Variants in TLR9 observed in about 807,000 individuals in gnomAD.
TLR9 encodes toll-like receptor 9.
A neutral mutation model predicts 24.6 loss-of-function variants in TLR9; 19 were observed. The ratio of observed to expected loss-of-function variants is 0.77; its 90% CI spans 0.54 to 1.13. TLR9 has a LOEUF of 1.13. Ranked by LOEUF, TLR9 falls within the 50% of genes most tolerant of loss-of-function variation. TLR9 has a pLI of 0.00. For synonymous variants in TLR9, 579 were observed against 609.8 expected (o/e 0.95, Z 0.74); for missense variants, 1,065 against 1,379.6 (o/e 0.77, Z 3.61).
At position 52,221,608 on chromosome 3, in the gene TLR9, G is replaced by A; in HGVS notation, c.2708C>T (p.Ala903Val). 6.2e-7 allele frequency: 1 copy of A among 1,613,450 alleles called. No homozygotes were observed. The highest frequency in any genetic ancestry group is 8.5e-7 in the Non-Finnish European group (1 of 1,179,954). Residue 903 changes from alanine to valine, a missense_variant, in exon 2 of 2, where the codon GCA becomes GTA. Physicochemically the swap from Ala to Val is moderately conservative, Grantham distance 64. Coordinates refer to ENST00000360658, the MANE Select transcript of TLR9 (RefSeq NM_017442.4). This position sits in a 1 kb window ranked among gnomAD's most constrained non-coding sequence, Gnocchi z 9.9. ...GQLEECRGRWALRLCLEERDW... is the reference protein window; with the variant it reads ...GQLEECRGRWVLRLCLEERDW... ...GCGTTCCTCCAGGCACAGGCGGAGT[G>A]CCCAGCGCCCACGGCACTCCTCCAG...
intron 1 of TLR9, among the ~76,000 whole-genome samples, chr3:52,224,638 C>T (rs1699603421): frequency 1.3e-5 from 2 of 152,274 alleles, no homozygotes; most frequent in Middle Eastern, 3.4e-3. Context: ...CTGGTCTCTC[C>T]CCGACTTTCC....
chr3:52,221,657 C>T lies in TLR9; in HGVS notation c.2659G>A (p.Val887Met), dbSNP rs1559880393. The T allele has an allele frequency of 6.2e-7, 1 of 1,613,890 alleles. No individual in the cohort carries two copies. The highest frequency in any genetic ancestry group is 1.3e-5 in the African/African-American group (1 of 74,952). Residue 887 changes from valine to methionine, a missense_variant, in exon 2 of 2, where the codon GTG becomes ATG. Transcript: ENST00000360658. This position sits in a 1 kb window ranked among gnomAD's most constrained non-coding sequence, Gnocchi z 9.9. Reference sequence around the variant, plus strand: ...AGCTGCCCCCGAAGCTCGTTGTACACCCAGTCTGCCACTGCGCTCTGCGTT... The same window carrying T: ...AGCTGCCCCCGAAGCTCGTTGTACATCCAGTCTGCCACTGCGCTCTGCGTT... ...DKTQSAVADWVYNELRGQLEE... is the reference protein window; with the variant it reads ...DKTQSAVADWMYNELRGQLEE...
At position 52,223,023 on chromosome 3, in the gene TLR9, C is replaced by T. The variant is rs56406937; in HGVS notation, c.1293G>A (p.Ser431=). The T allele has an allele frequency of 6.4e-5, 101 of 1,586,216 alleles. No homozygotes were observed. The highest frequency in any genetic ancestry group is 9.0e-5 in the East Asian group (4 of 44,558). The change falls in exon 2 of 2, where the codon TCG becomes TCA. Residue 431 remains serine (S), a synonymous_variant. Coordinates refer to ENST00000360658, the MANE Select transcript of TLR9 (RefSeq NM_017442.4). ...CCTCCCCCATGGTGGCTGTCAGCTC[C>T]GAAGCTCCGCTGATGCGGTTGTCCG... ...DLSDNRISGA[S]ELTATMGEAD...
At chr3:52,224,421 C>T (rs1266683186) in intron 1 of TLR9, 109 bp from the exon 2 acceptor site, 1 of 875,412 alleles carries the variant, frequency 1.1e-6, no homozygotes, top group Non-Finnish European at 1.8e-6. Flanking sequence ...CCAAGCCCTA[C>T]CTGCAGAAGT....
In TLR9 at chr3:52,221,842, G is replaced by A. The variant is rs776759341; in HGVS notation, c.2474C>T (p.Ala825Val). The A allele has an allele frequency of 3.1e-6, 5 of 1,613,960 alleles. No individual in the cohort carries two copies. The South Asian group carries it at 4.4e-5, about 14-fold the overall frequency. The change falls in exon 2 of 2, where the codon GCT (alanine) becomes GTT (valine). Residue 825 changes from alanine to valine, a missense_variant. Ala to Val is a moderately conservative substitution (Grantham distance 64). Coordinates refer to ENST00000360658, the MANE Select transcript of TLR9 (RefSeq NM_017442.4). The surrounding 1 kb of genome is among the most constrained non-coding windows in gnomAD (Gnocchi z 9.9). ...SWDCFALSLL[A>V]VALGLGVPML... ...GGGCACACCCAGGCCCAGAGCCACA[G>A]CCAGCAGCGAGAGGGCGAAACAGTC... is the stretch of plus-strand genomic sequence containing the variant.
rs753032218 is a variant in TLR9, at chr3:52,223,463, G to A, written c.853C>T (p.Arg285Cys). ...TCCTTCAACACCAGGCCTTCAAGAC[G>A]GCTCAGGTGGCTGAAGGTATCGGGA... is the stretch of plus-strand genomic sequence containing the variant. Reference protein sequence around the residue: ...LHPDTFSHLSRLEGLVLKDSS... With the variant: ...LHPDTFSHLSCLEGLVLKDSS... The change falls in exon 2 of 2, where the codon CGT (arginine) becomes TGT (cysteine). Residue 285 changes from arginine (R) to cysteine (C), a missense_variant. Coordinates refer to ENST00000360658, the MANE Select transcript of TLR9 (RefSeq NM_017442.4). The A allele has an allele frequency of 5.4e-5, 85 of 1,580,000 alleles. No individual in the cohort carries two copies. Among genetic ancestry groups the A allele is most frequent in the Non-Finnish European group, 7.1e-5 (82 of 1,161,370 alleles).
chr3:52,223,514 A>G lies in TLR9; in HGVS notation c.802T>C (p.Cys268Arg), dbSNP rs1001378722. ...CDHAPNPCME[C>R]PRHFPQLHPD... Reference sequence around the variant, plus strand: ...TGTAGCTGGGGGAAGTGACGAGGGCACTCCATGCAGGGGTTGGGAGCGTGG... The same window carrying G: ...TGTAGCTGGGGGAAGTGACGAGGGCGCTCCATGCAGGGGTTGGGAGCGTGG... Residue 268 changes from cysteine to arginine, a missense_variant, in exon 2 of 2, where the codon TGC becomes CGC. Cys to Arg is a radical substitution (Grantham distance 180). Coordinates refer to ENST00000360658, the MANE Select transcript of TLR9 (RefSeq NM_017442.4). The G allele has an allele frequency of 1.3e-6, 2 of 1,550,822 alleles. No individual in the cohort carries two copies. Among genetic ancestry groups the G allele is most frequent in the Non-Finnish European group, 8.7e-7 (1 of 1,147,422 alleles).
Position 52,223,199 on chromosome 3 carries a change from C to CTG in TLR9, c.1116_1117insCA (p.Gly373GlnfsTer29). On this transcript the variant is annotated frameshift_variant, in exon 2 of 2. Coordinates refer to ENST00000360658, the MANE Select transcript of TLR9 (RefSeq NM_017442.4). LOFTEE classifies it low-confidence loss of function (END_TRUNC). ...TCATCGAGTGAGCGGAAGAAGATGC[C>CTG]GTGCATGTCCAGCTCCTTCAGGGCG... The CTG allele has an allele frequency of 6.2e-7, 1 of 1,613,296 alleles. No homozygotes were observed. The highest frequency in any genetic ancestry group is 8.5e-7 in the Non-Finnish European group (1 of 1,179,566).
chr3:52,225,637 T>C lies in TLR9; in HGVS notation c.-108A>G, dbSNP rs779519033. 6.7e-7 allele frequency: 1 copy of C among 1,485,704 alleles called. No individual in the cohort carries two copies. The highest frequency in any genetic ancestry group is 9.2e-7 in the Non-Finnish European group (1 of 1,083,188). The allele number at this position is 1,485,704 out of a possible 1,614,324, so 92.0% of individuals were successfully genotyped here. On this transcript the variant is annotated 5_prime_UTR_variant, in exon 1 of 2. Coordinates refer to ENST00000360658, the MANE Select transcript of TLR9 (RefSeq NM_017442.4). ...CCCTTCCCACAGGGGCAGCAGCGGC[T>C]CAGAGAATAGAGGAAGTAAGATTTT...
In TLR9 at chr3:52,225,201, A is replaced by G. The variant is rs189651306; in HGVS notation, c.3+326T>C. Among the ~76,000 whole-genome samples, 593 of 152,274 alleles carry G rather than the reference A, an allele frequency of 3.9e-3. 3 individuals are homozygous for G. The highest frequency in any genetic ancestry group is 6.7e-3 in the Non-Finnish European group (459 of 68,010). On this transcript the variant is annotated intron_variant, in intron 1 of 1. Coordinates refer to ENST00000360658, the MANE Select transcript of TLR9 (RefSeq NM_017442.4). The stretch of plus-strand genomic sequence containing the variant: ...CTCTACTAAAAATACAAAATTAGCC[A>G]GGCATGGTGGCGCAAGCCATAATCC...
rs369271245 is a variant in TLR9 at position 52,221,566 on chromosome 3, T to C, written c.2750A>G (p.Lys917Arg). The C allele has an allele frequency of 5.0e-6, 8 of 1,612,832 alleles. No individual in the cohort carries two copies. The highest frequency in any genetic ancestry group is 5.9e-6 in the Non-Finnish European group (7 of 1,179,766). The change falls in exon 2 of 2, where the codon AAA becomes AGA. Residue 917 changes from lysine to arginine, a missense_variant. Coordinates refer to ENST00000360658, the MANE Select transcript of TLR9 (RefSeq NM_017442.4). This position sits in a 1 kb window ranked among gnomAD's most constrained non-coding sequence, Gnocchi z 9.9. ...GGCCCACAGGTTCTCAAAGAGGGTT[T>C]TGCCAGGCAGCCAGTCGCGTTCCTC... is the stretch of plus-strand genomic sequence containing the variant. ...CLEERDWLPG[K>R]TLFENLWASV...
Position 52,221,187 on chromosome 3 carries a change from G to C in TLR9, c.*30C>G, listed in dbSNP as rs1699546599. 1 of 1,505,598 alleles carries C rather than the reference G, an allele frequency of 6.6e-7. No individual in the cohort carries two copies. The highest frequency in any genetic ancestry group is 2.3e-5 in the Admixed American group (1 of 42,980). 93.3% of individuals were successfully genotyped at this position (1,505,598 alleles called of 1,614,324 possible). On this transcript the variant is annotated 3_prime_UTR_variant, in exon 2 of 2. Coordinates refer to ENST00000360658, the MANE Select transcript of TLR9 (RefSeq NM_017442.4). This position sits in a 1 kb window ranked among gnomAD's most constrained non-coding sequence, Gnocchi z 9.9. ...CAGGCAGAGGTGAGGTGAGTGTGGAGGTGGCACCGTGCAGGATTCCGGCTC... is the reference window on the plus strand; with the variant it reads ...CAGGCAGAGGTGAGGTGAGTGTGGACGTGGCACCGTGCAGGATTCCGGCTC...
chr3:52,222,098 C>A lies in TLR9; in HGVS notation c.2218G>T (p.Val740Leu). ...LNLSANALKT[V>L]DHSWFGPLAS... ...AGGGGCCCAAACCAGGAGTGGTCCACTGTCTTGAGGGCGTTGGCGCTAAGG... is the reference window on the plus strand; with the variant it reads ...AGGGGCCCAAACCAGGAGTGGTCCAATGTCTTGAGGGCGTTGGCGCTAAGG... Residue 740 changes from valine to leucine, a missense_variant, in exon 2 of 2, where the codon GTG becomes TTG. Physicochemically the swap from Val to Leu is conservative, Grantham distance 32. Transcript: ENST00000360658. 1 of 1,612,248 alleles carries A rather than the reference C, an allele frequency of 6.2e-7. No individual in the cohort carries two copies. Among genetic ancestry groups the A allele is most frequent in the African/African-American group, 1.3e-5 (1 of 75,006 alleles).
chr3:52,223,779 A>G lies in TLR9; in HGVS notation c.537T>C (p.Tyr179=), dbSNP rs1457718139. The change falls in exon 2 of 2, where the codon TAT becomes TAC. Residue 179 remains tyrosine, a synonymous_variant. Coordinates refer to ENST00000360658, the MANE Select transcript of TLR9 (RefSeq NM_017442.4). ...GTGCCTGCCTGCAGGGGTTCTTGTA[A>G]TAACAGTTGCCGTCCATGAATAGGA... is the stretch of plus-strand genomic sequence containing the variant. ...LRFLFMDGNC[Y]YKNPCRQALE... is the part of the protein sequence containing the mutation. 6.3e-6 allele frequency: 10 copies of G among 1,578,434 alleles called. No individual in the cohort carries two copies. Among genetic ancestry groups the G allele is most frequent in the South Asian group, 2.3e-5 (2 of 85,862 alleles).
In TLR9 at chr3:52,221,142, C is replaced by T. The variant is rs1699546043; in HGVS notation, c.*75G>A. Reference sequence around the variant, plus strand: ...TCAGGTGTGGGGTGAGGGAGGCGAGCAGGGGAGGGTCAGACCAGGCAGGCA... The same window carrying T: ...TCAGGTGTGGGGTGAGGGAGGCGAGTAGGGGAGGGTCAGACCAGGCAGGCA... On this transcript the variant is annotated 3_prime_UTR_variant, in exon 2 of 2. Coordinates refer to ENST00000360658, the MANE Select transcript of TLR9 (RefSeq NM_017442.4). The surrounding 1 kb of genome is among the most constrained non-coding windows in gnomAD (Gnocchi z 9.9). 1 of 1,376,910 alleles carries T rather than the reference C, an allele frequency of 7.3e-7. No homozygotes were observed. Among genetic ancestry groups the T allele is most frequent in the Non-Finnish European group, 9.8e-7 (1 of 1,020,294 alleles). 85.3% of individuals were successfully genotyped at this position (1,376,910 alleles called of 1,614,324 possible).
Position 52,221,680 on chromosome 3 carries a change from G to A in TLR9, c.2636C>T (p.Thr879Met), listed in dbSNP as rs148993494. ...PYDAFVVFDKTQSAVADWVYN... is the reference protein window; with the variant it reads ...PYDAFVVFDKMQSAVADWVYN... ...CACCCAGTCTGCCACTGCGCTCTGC[G>A]TTTTGTCGAAGACCACGAAGGCATC... The change falls in exon 2 of 2, where the codon ACG (threonine) becomes ATG (methionine). Residue 879 changes from threonine to methionine, a missense_variant. Coordinates refer to ENST00000360658, the MANE Select transcript of TLR9 (RefSeq NM_017442.4). The surrounding 1 kb of genome is among the most constrained non-coding windows in gnomAD (Gnocchi z 9.9). 9.9e-6 allele frequency: 16 copies of A among 1,613,854 alleles called. No individual in the cohort carries two copies. Among genetic ancestry groups the A allele is most frequent in the East Asian group, 4.5e-5 (2 of 44,900 alleles).
In TLR9 at chr3:52,222,251, G is replaced by C; in HGVS notation, c.2065C>G (p.Leu689Val). Reference sequence around the variant, plus strand: ...AGGCTGCCATTGGTCAGGGCCTTCAGCTGGTTTCCTGCCAGGTCGAGGACT... The same window carrying C: ...AGGCTGCCATTGGTCAGGGCCTTCACCTGGTTTCCTGCCAGGTCGAGGACT... ...LEVLDLAGNQLKALTNGSLPA... is the reference protein window; with the variant it reads ...LEVLDLAGNQVKALTNGSLPA... The change falls in exon 2 of 2, where the codon CTG becomes GTG. Residue 689 changes from leucine (L) to valine (V), a missense_variant. Leu to Val is a conservative substitution (Grantham distance 32, BLOSUM62 1). Transcript: ENST00000360658. 6.2e-7 allele frequency: 1 copy of C among 1,614,222 alleles called. No homozygotes were observed. Among genetic ancestry groups the C allele is most frequent in the Non-Finnish European group, 8.5e-7 (1 of 1,180,050 alleles).
rs1172635789 is a variant in TLR9 at position 52,221,328 on chromosome 3, G to T, written c.2988C>A (p.Pro996=). Reference sequence around the variant, plus strand: ...AGCTGCGCTGACCACTGGGCTGGTGGGGCCAGAGGAGGACACTCTGGCGGC... The same window carrying T: ...AGCTGCGCTGACCACTGGGCTGGTGTGGCCAGAGGAGGACACTCTGGCGGC... ...RLCRQSVLLW[P]HQPSGQRSFW... Residue 996 remains proline, a synonymous_variant, in exon 2 of 2, where the codon CCC becomes CCA. Coordinates refer to ENST00000360658, the MANE Select transcript of TLR9 (RefSeq NM_017442.4). This position sits in a 1 kb window ranked among gnomAD's most constrained non-coding sequence, Gnocchi z 9.9. The T allele has an allele frequency of 1.3e-6, 2 of 1,569,474 alleles. No individual in the cohort carries two copies. The highest frequency in any genetic ancestry group is 1.7e-6 in the Non-Finnish European group (2 of 1,156,346).
chr3:52,225,438 A>G (rs1699610843), intron 1 of TLR9, 89 bp downstream of exon 1: 11 of 1,569,782 alleles, frequency 7.0e-6, no homozygotes, highest in Admixed American at 1.7e-5. Flanking sequence ...ACAACCCGTC[A>G]CTGTTGCTTG....
Sources: gnomAD v4.1 joint callset for allele counts (sites outside exome capture counted in the v4.1 genomes callset) on GRCh38, gnomAD v4.1.1 for gene constraint, Gnocchi (gnomAD v3.1) non-coding constraint, MANE v1.5 for transcripts, NCBI Gene and HGNC (gene_info 2026-07-23, HGNC 2026-07-21) for gene names.